Variants in FOXK2 observed in about 807,000 individuals in gnomAD.
The protein encoded by FOXK2 is forkhead box K2.
A neutral mutation model predicts 53.3 loss-of-function variants in FOXK2; 24 were observed. The observed-to-expected ratio is 0.45, with a 90% CI of 0.33 to 0.63. The LOEUF (loss-of-function observed/expected upper bound fraction) is 0.63. Ranked by LOEUF, FOXK2 falls within the 30% of genes least tolerant of loss-of-function variation. FOXK2 has a pLI of 0.03. For synonymous variants in FOXK2, 505 were observed against 407.1 expected (o/e 1.24, Z -2.89); for missense variants, 952 against 910.5 (o/e 1.05, Z -0.59).
At chr17:82,552,543 T>C (rs2044686939) in intron 1 of FOXK2, among the ~76,000 whole-genome samples, 1 of 152,158 alleles carries the variant, frequency 6.6e-6, no homozygotes, top group South Asian at 2.1e-4. Flanking sequence ...ATCCTCAGCC[T>C]TTGTCTTCTG....
chr17:82,570,241 A>G (rs1168802973), intron 3 of FOXK2, among the ~76,000 whole-genome samples: 1 of 147,310 alleles, frequency 6.8e-6, no homozygotes, highest in African/African-American at 2.5e-5. Context: ...AGAGAGACAA[A>G]TTTGACTTCG....
chr17:82,533,415 AG>A (rs1186643219), intron 1 of FOXK2, among the ~76,000 whole-genome samples: 2 of 151,954 alleles, frequency 1.3e-5, no homozygotes, highest in Admixed American at 1.3e-4. Context: ...GCTTGAACCC[AG>A]GAGGCAGAGG....
intron 1 of FOXK2, among the ~76,000 whole-genome samples, chr17:82,520,801 T>G (rs576648795): frequency 6.6e-6 from 1 of 152,330 alleles, no homozygotes; most frequent in East Asian, 1.9e-4. Flanking sequence ...GTGCGGTGTT[T>G]TAAGCAGGAA....
chr17:82,598,315 A>G (rs2045340477), intron 8 of FOXK2, among the ~76,000 whole-genome samples: 1 of 152,102 alleles, frequency 6.6e-6, no homozygotes, highest in African/African-American at 2.4e-5. Context: ...GGCTGGTCTC[A>G]GCCTCCTGGC....
chr17:82,567,744 C>G (rs2044867632), intron 2 of FOXK2, among the ~76,000 whole-genome samples: 1 of 152,126 alleles, frequency 6.6e-6, no homozygotes, highest in South Asian at 2.1e-4. Context: ...TTCGGAGCCT[C>G]AGTTTCCTCA....
chr17:82,541,732 A>G (rs1345055526), intron 1 of FOXK2, among the ~76,000 whole-genome samples: 2 of 147,904 alleles, frequency 1.4e-5, no homozygotes, highest in Non-Finnish European at 1.5e-5. Flanking sequence ...TTCTTAATAG[A>G]TGGAGTCTTA....
intron 4 of FOXK2, chr17:82,577,245 C>G: frequency 7.9e-7 from 1 of 1,271,532 alleles, no homozygotes; most frequent in Non-Finnish European, 1.1e-6. Flanking sequence ...TCTTCAAACT[C>G]CAGGTAGTAC....
rs560350265 is a variant in FOXK2, at chr17:82,570,854, C to T, written c.763-870C>T. 5.1e-4 allele frequency among the ~76,000 whole-genome samples: 78 copies of T among 152,284 alleles called. No homozygotes were observed. The South Asian group carries it at 0.016, about 31-fold the overall frequency. On this transcript the variant is annotated intron_variant, in intron 3 of 8. Transcript: ENST00000335255. ...CACTATGACAGGGAGCCACCAGTGG[C>T]CTTGAAAGAGCCAGGACCAGGGATG...
intron 1 of FOXK2, among the ~76,000 whole-genome samples, chr17:82,528,899 G>A (rs1352977643): frequency 6.6e-6 from 1 of 152,356 alleles, no homozygotes; most frequent in South Asian, 2.1e-4. Context: ...CGACACCGGG[G>A]TGAGTCTGCC....
chr17:82,525,875 G>A (rs1488264198), intron 1 of FOXK2, among the ~76,000 whole-genome samples: 1 of 151,824 alleles, frequency 6.6e-6, no homozygotes, highest in Non-Finnish European at 1.5e-5. Context: ...TCTTTCTTAC[G>A]TGGCCTGAAT....
chr17:82,591,864 A>G (rs2045256446), intron 8 of FOXK2, among the ~76,000 whole-genome samples: 1 of 152,082 alleles, frequency 6.6e-6, no homozygotes, highest in South Asian at 2.1e-4. Flanking sequence ...TTTCTGGTTT[A>G]CTGGCACAAC....
At chr17:82,596,180 C>T (rs2045308470) in intron 8 of FOXK2, 1 of 1,002,830 alleles carries the variant, frequency 1.0e-6, no homozygotes, top group South Asian at 4.0e-5. Context: ...GCCCAGCTCA[C>T]ACCAACTGCA....
intron 1 of FOXK2, among the ~76,000 whole-genome samples, chr17:82,539,166 A>C (rs11078000): frequency 2.0e-5 from 3 of 147,258 alleles, no homozygotes; most frequent in Non-Finnish European, 4.5e-5. Context: ...TCAGACCCGT[A>C]ATCTCAGCAC....
chr17:82,560,735 C>T (rs544414858), intron 1 of FOXK2, among the ~76,000 whole-genome samples: 72 of 152,240 alleles, frequency 4.7e-4, no homozygotes, highest in African/African-American at 1.6e-3. Context: ...TGGTGGTTCA[C>T]GCCTGTAATT....
At position 82,584,325 on chromosome 17, in the gene FOXK2, G is replaced by A. The variant is rs149320519; in HGVS notation, c.1279+137G>A. The A allele has an allele frequency of 2.0e-4, 190 of 931,692 alleles. No homozygotes were observed. The African/African-American group carries it at 2.8e-3, about 14-fold the overall frequency. The allele number at this position is 931,692 out of a possible 1,614,324, so 57.7% of individuals were successfully genotyped here. A position where few individuals can be genotyped will look rare whatever the true frequency, so the allele number is the denominator to read the frequency against. The stretch of plus-strand genomic sequence containing the variant: ...CTTATACTAGTACCTGATTTTATAG[G>A]CCTTGGAAAACTAATAGCACTGGGA... On this transcript the variant is annotated intron_variant, in intron 6 of 8. Coordinates refer to ENST00000335255, the MANE Select transcript of FOXK2 (RefSeq NM_004514.4).
chr17:82,573,249 C>T (rs2044939037), intron 4 of FOXK2, among the ~76,000 whole-genome samples: 1 of 151,942 alleles, frequency 6.6e-6, no homozygotes, highest in Non-Finnish European at 1.5e-5. Context: ...TGTGGAGGGG[C>T]TTGGGGGTCT....
chr17:82,547,228 A>G (rs898332782), intron 1 of FOXK2, among the ~76,000 whole-genome samples: 1 of 152,160 alleles, frequency 6.6e-6, no homozygotes, highest in Non-Finnish European at 1.5e-5. Context: ...TGTGGTTCAC[A>G]TTGTAGTATT....
At chr17:82,570,077 C>T (rs1272602333) in intron 3 of FOXK2, among the ~76,000 whole-genome samples, 2 of 151,188 alleles carry the variant, frequency 1.3e-5, no homozygotes, top group African/African-American at 2.4e-5. Flanking sequence ...AAAAAATTAG[C>T]TGGGCGTGTT....
chr17:82,584,511 G>T (rs2045108126), intron 6 of FOXK2, among the ~76,000 whole-genome samples: 1 of 129,744 alleles, frequency 7.7e-6, no homozygotes, highest in African/African-American at 3.0e-5. Context: ...AAAAACCCAT[G>T]AAGTAGACAA....
Sources: gnomAD v4.1 joint callset for allele counts (sites outside exome capture counted in the v4.1 genomes callset) on GRCh38, gnomAD v4.1.1 for gene constraint, MANE v1.5 for transcripts, NCBI Gene and HGNC (gene_info 2026-07-23, HGNC 2026-07-21) for gene names.